DYM: variants seen among roughly 807,000 people sequenced by gnomAD.
The protein encoded by DYM is dyggve-Melchior-Clausen syndrome protein.
In DYM, 78 loss-of-function variants were observed where a neutral mutation model predicts 93.1. That is an observed-to-expected ratio of 0.84 (90% confidence interval 0.70 to 1.01). The LOEUF (loss-of-function observed/expected upper bound fraction) is 1.01, where lower values mean the gene tolerates loss of function less well. DYM is among the 50% of genes least tolerant of loss of function. The pLI, the probability that DYM is intolerant of heterozygous loss-of-function variation, is 0.00. For synonymous variants in DYM, 321 were observed against 319.7 expected (o/e 1.00, Z -0.04); for missense variants, 789 against 845.0 (o/e 0.93, Z 0.82).
intron 11 of DYM, among the ~76,000 whole-genome samples, chr18:49,271,529 C>A (rs11662810): frequency 7.2e-5 from 11 of 152,078 alleles, no homozygotes. Flanking sequence ...AAGTATGTTA[C>A]TTCGAAACAT....
At chr18:49,414,920 TA>T (rs1208484496) in intron 2 of DYM, among the ~76,000 whole-genome samples, 1 of 152,176 alleles carries the variant, frequency 6.6e-6, no homozygotes, top group East Asian at 1.9e-4. Context: ...TTTTAGTCCT[TA>T]AAAACAGTCC....
Position 49,192,095 on chromosome 18 carries a change from ATTTTTTT to A in DYM, c.1625+17449_1625+17455del, listed in dbSNP as rs55967928. 6.4e-3 allele frequency among the ~76,000 whole-genome samples: 440 copies of A among 68,358 alleles called. 1 individual carries two copies. The highest frequency in any genetic ancestry group is 0.024 in the African/African-American group (424 of 17,504). 44.8% of individuals were successfully genotyped at this position (68,358 alleles called of 152,430 possible). On this transcript the variant is annotated intron_variant, in intron 14 of 17. Transcript: ENST00000675505. ...ACATATGTGCCACCATGCCTGGCTA[ATTTTTTT>A]TTTTTTTTTTTTTTTTTTTTGAGAC...
At chr18:49,061,293 C>G (rs1463275082) in intron 17 of DYM, among the ~76,000 whole-genome samples, 1 of 151,968 alleles carries the variant, frequency 6.6e-6, no homozygotes. Flanking sequence ...GGTCTGTAAA[C>G]AAAGGGTAGG....
intron 17 of DYM, among the ~76,000 whole-genome samples, chr18:49,046,199 T>C (rs1472954071): frequency 3.7e-5 from 5 of 133,398 alleles, no homozygotes; most frequent in Non-Finnish European, 7.9e-5. Flanking sequence ...CACGCACACA[T>C]AGACACACAC....
At chr18:49,276,211 T>C (rs772384152) in intron 10 of DYM, among the ~76,000 whole-genome samples, 3 of 152,316 alleles carry the variant, frequency 2.0e-5, no homozygotes, top group East Asian at 1.9e-4. Context: ...GGGGTTTTCA[T>C]AGAAGCCCTT....
rs571541333 is a variant in DYM, at chr18:49,415,932, A to C, written c.140+14323T>G. 3.6e-3 allele frequency among the ~76,000 whole-genome samples: 547 copies of C among 151,848 alleles called. 8 individuals carry two copies. Among genetic ancestry groups the C allele is most frequent in the African/African-American group, 0.013 (520 of 41,502 alleles). ...ACAAGAGCGAAACTCTGACTCAAAA[A>C]AAAAAAAAAAAGGTAGATTGCTTAT... is the stretch of plus-strand genomic sequence containing the variant. On this transcript the variant is annotated intron_variant, in intron 2 of 17. Transcript: ENST00000675505.
intron 13 of DYM, among the ~76,000 whole-genome samples, chr18:49,216,348 A>G (rs1377764441): frequency 6.6e-6 from 1 of 152,228 alleles, no homozygotes; most frequent in African/African-American, 2.4e-5. Context: ...AAAAGACAGC[A>G]GTAACCTCTG....
intron 17 of DYM, among the ~76,000 whole-genome samples, chr18:49,046,191 C>T (rs1019475228): frequency 2.7e-5 from 4 of 149,246 alleles, no homozygotes; most frequent in East Asian, 2.0e-4. Context: ...CACACAGACA[C>T]GCACACATAG....
At chr18:49,208,199 A>G (rs1351777097) in intron 14 of DYM, among the ~76,000 whole-genome samples, 2 of 151,384 alleles carry the variant, frequency 1.3e-5, no homozygotes, top group East Asian at 3.9e-4. Context: ...AAAAAAAAAA[A>G]AAAAATTAAA....
intron 13 of DYM, among the ~76,000 whole-genome samples, chr18:49,250,418 T>C (rs2094259681): frequency 6.6e-6 from 1 of 152,206 alleles, no homozygotes; most frequent in Non-Finnish European, 1.5e-5. Context: ...CATATCCAGA[T>C]CTTCTAACAT....
At chr18:49,346,403 T>A (rs929160669) in intron 6 of DYM, among the ~76,000 whole-genome samples, 3 of 152,168 alleles carry the variant, frequency 2.0e-5, no homozygotes, top group Admixed American at 2.0e-4. Context: ...TTCACTTGCA[T>A]AAAATATCCA....
chr18:49,292,592 G>GAAAAAAAAAAAAAAAA (rs72415237), intron 8 of DYM, among the ~76,000 whole-genome samples: 3 of 78,788 alleles, frequency 3.8e-5, no homozygotes, highest in African/African-American at 4.2e-5. Context: ...TTTCCTGTTG[G>GAAAAAAAAAAAAAAAA]AAAAAAAAAA....
intron 1 of DYM, among the ~76,000 whole-genome samples, chr18:49,432,329 C>CA (rs11429840): frequency 0.29 from 22,077 of 75,514 alleles, 2,416 homozygotes; most frequent in East Asian, 0.43. Context: ...AAGACTGTCT[C>CA]AAAAAAAAAA....
chr18:49,370,810 A>C (rs1441198486), intron 5 of DYM, among the ~76,000 whole-genome samples: 1 of 152,226 alleles, frequency 6.6e-6, no homozygotes, highest in Non-Finnish European at 1.5e-5. Context: ...ATGGTGGAGT[A>C]GTTACTCCAA....
At chr18:49,314,405 T>C (rs2061796034) in intron 8 of DYM, among the ~76,000 whole-genome samples, 1 of 152,200 alleles carries the variant, frequency 6.6e-6, no homozygotes, top group Non-Finnish European at 1.5e-5. Context: ...CCTGAGACCA[T>C]TACAAAGAAT....
chr18:49,425,011 G>A (rs55884449), intron 2 of DYM, among the ~76,000 whole-genome samples: 9,291 of 152,078 alleles, frequency 0.061, 393 homozygotes, highest in East Asian at 0.15. Flanking sequence ...TCAAGCTACC[G>A]ATGACTTTCT....
intron 10 of DYM, among the ~76,000 whole-genome samples, chr18:49,274,015 C>T (rs1239080948): frequency 7.2e-5 from 11 of 152,000 alleles, no homozygotes; most frequent in Non-Finnish European, 1.2e-4. Flanking sequence ...TATTCAGATA[C>T]AATTTACAGA....
intron 8 of DYM, among the ~76,000 whole-genome samples, chr18:49,318,944 G>A (rs2146543994): frequency 6.6e-6 from 1 of 151,350 alleles, no homozygotes; most frequent in South Asian, 2.1e-4. Flanking sequence ...AGGATTACAG[G>A]CACCTGCCAC....
chr18:49,405,615 T>C (rs913579723), intron 2 of DYM, among the ~76,000 whole-genome samples: 1 of 152,258 alleles, frequency 6.6e-6, no homozygotes, highest in African/African-American at 2.4e-5. Context: ...AATATCATGC[T>C]GGTTTTGTTA....
Sources: allele counts gnomAD v4.1 joint callset (sites outside exome capture counted in the v4.1 genomes callset), GRCh38; gene constraint gnomAD v4.1.1; transcripts MANE v1.5; gene names NCBI Gene and HGNC (gene_info 2026-07-23, HGNC 2026-07-21).